Variants in C10orf90 observed in about 807,000 individuals in gnomAD.
C10orf90 encodes the protein chromosome 10 open reading frame 90.
C10orf90 carries 56 observed loss-of-function variants against 62.5 expected under a neutral mutation model. That is an observed-to-expected ratio of 0.90 (90% CI 0.72 to 1.12). C10orf90 has a LOEUF of 1.12. Among genes scored for constraint, C10orf90 ranks in the 50% most tolerant of loss-of-function variants. The pLI, the probability that C10orf90 is intolerant of heterozygous loss-of-function variation, is 0.00. For synonymous variants in C10orf90, 386 were observed against 340.4 expected (o/e 1.13, Z -1.47); for missense variants, 970 against 880.4 (o/e 1.10, Z -1.29).
At chr10:126,649,827 A>G (rs1163392427) in intron 1 of C10orf90, among the ~76,000 whole-genome samples, 1 of 152,130 alleles carries the variant, frequency 6.6e-6, no homozygotes, top group African/African-American at 2.4e-5. Context: ...GGTTGCTGGG[A>G]GCAGGGCCTA....
chr10:126,583,739 A>G (rs550370479), intron 2 of C10orf90, among the ~76,000 whole-genome samples: 1 of 152,278 alleles, frequency 6.6e-6, no homozygotes, highest in South Asian at 2.1e-4. Context: ...GCCTCTAGTA[A>G]TACTTTCCCA....
chr10:126,570,842 T>A (rs1183244632), intron 2 of C10orf90, among the ~76,000 whole-genome samples: 1 of 152,120 alleles, frequency 6.6e-6, no homozygotes, highest in Non-Finnish European at 1.5e-5. Flanking sequence ...AATCCAGTCT[T>A]TCAAAATAAT....
intron 2 of C10orf90, among the ~76,000 whole-genome samples, chr10:126,536,268 T>TAG (rs1446925864): frequency 6.6e-6 from 1 of 152,114 alleles, no homozygotes; most frequent in Admixed American, 6.5e-5. Flanking sequence ...TGGTAGCAGG[T>TAG]CGCGGAGGAG....
chr10:126,615,387 G>A (rs1427402552), intron 2 of C10orf90, among the ~76,000 whole-genome samples: 1 of 152,086 alleles, frequency 6.6e-6, no homozygotes, highest in Non-Finnish European at 1.5e-5. Flanking sequence ...CATCTCTTCT[G>A]TTGAATGGGA....
intron 2 of C10orf90, among the ~76,000 whole-genome samples, chr10:126,630,856 G>T (rs1255517775): frequency 1.3e-5 from 2 of 152,136 alleles, no homozygotes; most frequent in Admixed American, 6.6e-5. Context: ...CAAGCCTGGG[G>T]CTCTATTTGC....
intron 2 of C10orf90, among the ~76,000 whole-genome samples, chr10:126,608,134 G>A (rs1845353653): frequency 6.6e-6 from 1 of 152,130 alleles, no homozygotes; most frequent in African/African-American, 2.4e-5. Flanking sequence ...TTGGACACAG[G>A]GTCTTGCTCT....
intron 4 of C10orf90, among the ~76,000 whole-genome samples, chr10:126,500,947 A>G (rs1241031044): frequency 1.3e-5 from 2 of 152,218 alleles, no homozygotes; most frequent in East Asian, 3.9e-4. Context: ...AAGCAGCTGA[A>G]TGTCAGTAAG....
intron 2 of C10orf90, among the ~76,000 whole-genome samples, chr10:126,592,691 A>G (rs1175320989): frequency 6.6e-6 from 1 of 152,242 alleles, no homozygotes; most frequent in African/African-American, 2.4e-5. Flanking sequence ...AAATTGACAA[A>G]TGGGATCTAA....
intron 7 of C10orf90, among the ~76,000 whole-genome samples, chr10:126,435,462 T>C (rs1362736256): frequency 1.3e-5 from 2 of 152,074 alleles, no homozygotes; most frequent in Non-Finnish European, 2.9e-5. Flanking sequence ...GATAGGGTGC[T>C]TTGGAGCTAC....
rs1224800410 is a variant in C10orf90, at chr10:126,649,028, G to GTC, written c.241-2393_241-2392dup. Among the ~76,000 whole-genome samples the GTC allele has an allele frequency of 1.1e-4, 11 of 102,798 alleles. 1 individual carries two copies. The highest frequency in any genetic ancestry group is 3.9e-4 in the African/African-American group (9 of 23,200). 67.4% of individuals were successfully genotyped at this position (102,798 alleles called of 152,430 possible). On this transcript the variant is annotated intron_variant, in intron 1 of 9. Coordinates refer to ENST00000488181, the MANE Select transcript of C10orf90 (RefSeq NM_001350921.2). ...ACAGATGATATCTCTCTCTCTCTCT[G>GTC]TCTCTGTCTCTCTCTCTCTCTCTCT...
chr10:126,444,150 T>C (rs994259875), intron 7 of C10orf90, among the ~76,000 whole-genome samples: 35 of 152,236 alleles, frequency 2.3e-4, no homozygotes, highest in African/African-American at 8.2e-4. Context: ...CTCTTCAACA[T>C]AGTACTGGAA....
chr10:126,615,030 C>A (rs1336680378), intron 2 of C10orf90, among the ~76,000 whole-genome samples: 1 of 152,154 alleles, frequency 6.6e-6, no homozygotes, highest in Non-Finnish European at 1.5e-5. Flanking sequence ...TTCCAGGTGG[C>A]CTTGCTTCCA....
Position 126,565,933 on chromosome 10 carries a change from C to T in C10orf90, c.314-51994G>A, listed in dbSNP as rs1038510852. 5.3e-5 allele frequency among the ~76,000 whole-genome samples: 8 copies of T among 152,302 alleles called. No homozygotes were observed. The East Asian group carries it at 1.4e-3, about 26-fold the overall frequency. On this transcript the variant is annotated intron_variant, in intron 2 of 9. Transcript: ENST00000488181. The stretch of plus-strand genomic sequence containing the variant: ...AAGACATGATGGTTAGCCCAAATAG[C>T]GCTCCTCCACGTCCCCTTATCATTT...
intron 2 of C10orf90, among the ~76,000 whole-genome samples, chr10:126,514,251 A>G (rs989943291): frequency 1.3e-5 from 2 of 152,182 alleles, no homozygotes; most frequent in African/African-American, 4.8e-5. Flanking sequence ...CCAAGTTTAT[A>G]CTCAGCAGAA....
chr10:126,427,666 G>A (rs1327833239), intron 8 of C10orf90, among the ~76,000 whole-genome samples: 1 of 152,154 alleles, frequency 6.6e-6, no homozygotes, highest in East Asian at 1.9e-4. Flanking sequence ...TCCTGCCGTT[G>A]GACATCAGAC....
At chr10:126,539,804 G>C (rs1389674841) in intron 2 of C10orf90, among the ~76,000 whole-genome samples, 1 of 152,106 alleles carries the variant, frequency 6.6e-6, no homozygotes, top group Non-Finnish European at 1.5e-5. Flanking sequence ...GAAATTTCTT[G>C]TGATGAACCA....
chr10:126,489,991 T>C (rs1861637029), intron 4 of C10orf90, among the ~76,000 whole-genome samples: 1 of 99,436 alleles, frequency 1.0e-5, no homozygotes. Flanking sequence ...ATATATATAA[T>C]ATATATTATA....
chr10:126,575,749 C>A (rs1375353251), intron 2 of C10orf90, among the ~76,000 whole-genome samples: 3 of 151,910 alleles, frequency 2.0e-5, no homozygotes, highest in Non-Finnish European at 4.4e-5. Flanking sequence ...ACCCATGAAA[C>A]AATAGAGAAC....
chr10:126,504,710 A>G lies in C10orf90; in HGVS notation c.781T>C (p.Cys261Arg). The change falls in exon 4 of 10, where the codon TGC becomes CGC. Residue 261 changes from cysteine to arginine, a missense_variant. By Grantham distance (180) the Cys-to-Arg change is radical (BLOSUM62 -3). Transcript: ENST00000488181. The surrounding 1 kb of genome is among the most constrained non-coding windows in gnomAD (Gnocchi z 4.1). ...GTGTCCTCAGCCCTGCACTTGGGGCACAGAGAGTCCCCAGCAGTCCCCCAC... is the reference window on the plus strand; with the variant it reads ...GTGTCCTCAGCCCTGCACTTGGGGCGCAGAGAGTCCCCAGCAGTCCCCCAC... ...LVWGTAGDSL[C>R]PKCRAEDTLF... is the part of the protein sequence containing the mutation. The G allele has an allele frequency of 6.2e-7, 1 of 1,610,734 alleles. No individual in the cohort carries two copies. Among genetic ancestry groups the G allele is most frequent in the Non-Finnish European group, 8.5e-7 (1 of 1,177,952 alleles).
Sources: gnomAD v4.1 joint callset for allele counts (sites outside exome capture counted in the v4.1 genomes callset) on GRCh38, gnomAD v4.1.1 for gene constraint, Gnocchi (gnomAD v3.1) non-coding constraint, MANE v1.5 for transcripts, NCBI Gene and HGNC (gene_info 2026-07-23, HGNC 2026-07-21) for gene names.